Variants in RFX1 observed in about 807,000 individuals in gnomAD.
The protein encoded by RFX1 is MHC class II regulatory factor RFX1.
A neutral mutation model predicts 119.6 loss-of-function variants in RFX1; 42 were observed. The observed-to-expected ratio is 0.35, with a 90% CI of 0.27 to 0.45. The LOEUF (loss-of-function observed/expected upper bound fraction) is 0.45, where lower values mean the gene tolerates loss of function less well. Ranked by LOEUF, RFX1 falls within the 20% of genes least tolerant of loss-of-function variation. The pLI, the probability that RFX1 is intolerant of heterozygous loss-of-function variation, is 1.00. For synonymous variants in RFX1, 628 were observed against 618.5 expected (o/e 1.02, Z -0.23); for missense variants, 1,118 against 1,368.1 (o/e 0.82, Z 2.88).
intron 9 of RFX1, among the ~76,000 whole-genome samples, chr19:13,970,657 G>A: frequency 1.3e-5 from 1 of 75,060 alleles, no homozygotes; most frequent in African/African-American, 5.5e-5. Context: ...GTGAGACCTT[G>A]TCTCAAAAAA....
chr19:13,972,689 T>C lies in RFX1; in HGVS notation c.1314+54A>G. 4 of 1,413,244 alleles carry C rather than the reference T, an allele frequency of 2.8e-6. No homozygotes were observed. In the Admixed American group the frequency reaches 6.0e-5, roughly 21 times the overall value. 87.5% of individuals were successfully genotyped at this position (1,413,244 alleles called of 1,614,324 possible). A position where few individuals can be genotyped will look rare whatever the true frequency, so the allele number is the denominator to read the frequency against. On this transcript the variant is annotated intron_variant, in intron 9 of 20. Transcript: ENST00000254325. ...CCACCGTCATGGACTGGGCTTCTAGTGCCCACCACCCACCACTGCCTGCCT... is the reference window on the plus strand; with the variant it reads ...CCACCGTCATGGACTGGGCTTCTAGCGCCCACCACCCACCACTGCCTGCCT...
intron 2 of RFX1, among the ~76,000 whole-genome samples, chr19:13,988,915 G>T (rs952369663): frequency 6.6e-6 from 1 of 152,124 alleles, no homozygotes; most frequent in Non-Finnish European, 1.5e-5. Flanking sequence ...CCAGCTACTC[G>T]GGAGGCTGAG....
Position 13,969,882 on chromosome 19 carries a change from G to A in RFX1, c.1496+112C>T. 1 of 1,123,506 alleles carries A rather than the reference G, an allele frequency of 8.9e-7. No individual in the cohort carries two copies. Among genetic ancestry groups the A allele is most frequent in the South Asian group, 1.6e-5 (1 of 62,502 alleles). 69.6% of individuals were successfully genotyped at this position (1,123,506 alleles called of 1,614,324 possible). A position where few individuals can be genotyped will look rare whatever the true frequency, so the allele number is the denominator to read the frequency against. On this transcript the variant is annotated intron_variant, in intron 10 of 20. Coordinates refer to ENST00000254325, the MANE Select transcript of RFX1 (RefSeq NM_002918.5). This position sits in a 1 kb window ranked among gnomAD's most constrained non-coding sequence, Gnocchi z 4.5. ...CGGGGCTGTCGAGGAGCCTCGCAGA[G>A]GCCGGCGGGACTGGGCTGGACTGGA... is the stretch of plus-strand genomic sequence containing the variant.
rs532429887 is a variant in RFX1, at chr19:13,966,484, G to A, written c.1898C>T (p.Thr633Met). Residue 633 changes from threonine to methionine, a missense_variant, in exon 14 of 21, where the codon ACG becomes ATG. Transcript: ENST00000254325. This position sits in a 1 kb window ranked among gnomAD's most constrained non-coding sequence, Gnocchi z 6.3. Reference protein sequence around the residue: ...MVNLQFTLVETLWKTFWRYNL... With the variant: ...MVNLQFTLVEMLWKTFWRYNL... Reference sequence around the variant, plus strand: ...GTACCTCCAGAAGGTCTTCCACAGCGTCTCCACCAGGGTGAACTGCAGGTT... The same window carrying A: ...GTACCTCCAGAAGGTCTTCCACAGCATCTCCACCAGGGTGAACTGCAGGTT... The A allele has an allele frequency of 1.2e-5, 19 of 1,600,766 alleles. No individual in the cohort carries two copies. The highest frequency in any genetic ancestry group is 4.4e-5 in the South Asian group (4 of 89,906).
chr19:14,000,413 C>A (rs993904904), intron 1 of RFX1, among the ~76,000 whole-genome samples: 2 of 151,996 alleles, frequency 1.3e-5, no homozygotes, highest in South Asian at 4.1e-4. Flanking sequence ...TTGAGTCTGG[C>A]GGGGCAGAGG....
Position 13,993,598 on chromosome 19 carries a change from G to A in RFX1, c.246C>T (p.Pro82=), listed in dbSNP as rs376204922. The change falls in exon 2 of 21, where the codon CCC becomes CCT. Residue 82 remains proline, a synonymous_variant. Transcript: ENST00000254325. ...KQYVTELPAV[P]APSQPTGAPT... ...GTGCACCGGTTGGCTGCGAGGGTGC[G>A]GGTACAGCCGGGAGCTCCGTCACGT... 50 of 1,611,690 alleles carry A rather than the reference G, an allele frequency of 3.1e-5. No individual in the cohort carries two copies. Among genetic ancestry groups the A allele is most frequent in the East Asian group, 6.7e-5 (3 of 44,840 alleles).
At chr19:13,973,180 C>T (rs1169179768) in intron 8 of RFX1, 53 bp from the exon 9 acceptor site, 58 of 1,214,408 alleles carry the variant, frequency 4.8e-5, no homozygotes, top group Non-Finnish European at 5.7e-5. Flanking sequence ...ACTGGGGGGC[C>T]GAGGGGCATG....
Position 13,968,849 on chromosome 19 carries a change from G to A in RFX1, c.1542C>T (p.Ser514=). 6.4e-7 allele frequency: 1 copy of A among 1,553,606 alleles called. No individual in the cohort carries two copies. The change falls in exon 11 of 21, where the codon AGC becomes AGT. Residue 514 remains serine (S), a synonymous_variant. Transcript: ENST00000254325. This position sits in a 1 kb window ranked among gnomAD's most constrained non-coding sequence, Gnocchi z 5.5. The stretch of plus-strand genomic sequence containing the variant: ...CCTCCATCAGCCGCAGCAGGGGTGA[G>A]CTGGCCTTGATGCGCAGGCCATAGT... The part of the protein sequence containing the change: ...YHYYGLRIKA[S]SPLLRLMEDQ...
In RFX1 at chr19:13,980,731, T is replaced by TGCATCCTCTCTGGGGTGTGCTC; in HGVS notation, c.622-43_622-42insGAGCACACCCCAGAGAGGATGC. 1.7e-6 allele frequency: 2 copies of TGCATCCTCTCTGGGGTGTGCTC among 1,201,546 alleles called. No individual in the cohort carries two copies. The highest frequency in any genetic ancestry group is 2.4e-6 in the Non-Finnish European group (2 of 842,368). The allele number at this position is 1,201,546 out of a possible 1,614,324, so 74.4% of individuals were successfully genotyped here. Reference sequence around the variant, plus strand: ...CACAGGAGTGCCGCTGGGGTGGGCTTGCATCCTCTCTGAGGTGGGCTCACA... The same window carrying TGCATCCTCTCTGGGGTGTGCTC: ...CACAGGAGTGCCGCTGGGGTGGGCTTGCATCCTCTCTGGGGTGTGCTCGCATCCTCTCTGAGGTGGGCTCACA... On this transcript the variant is annotated intron_variant, in intron 5 of 20. Transcript: ENST00000254325. This position sits in a 1 kb window ranked among gnomAD's most constrained non-coding sequence, Gnocchi z 5.1.
chr19:13,997,197 C>T (rs527596940), intron 1 of RFX1, among the ~76,000 whole-genome samples: 33 of 152,322 alleles, frequency 2.2e-4, no homozygotes, highest in Non-Finnish European at 3.1e-4. Context: ...CCATCCTTCA[C>T]GCCTCCCTGT....
intron 4 of RFX1, chr19:13,982,934 C>G: frequency 3.9e-6 from 2 of 519,178 alleles, no homozygotes; most frequent in Non-Finnish European, 6.9e-6. Flanking sequence ...GGGTTGGACC[C>G]GCAAACCACC....
chr19:13,968,429 C>G lies in RFX1; in HGVS notation c.1732+136G>C. 1 of 695,684 alleles carries G rather than the reference C, an allele frequency of 1.4e-6. No homozygotes were observed. The highest frequency in any genetic ancestry group is 3.0e-4 in the Middle Eastern group (1 of 3,340). 43.1% of individuals were successfully genotyped at this position (695,684 alleles called of 1,614,324 possible). A position where few individuals can be genotyped will look rare whatever the true frequency, so the allele number is the denominator to read the frequency against. On this transcript the variant is annotated intron_variant, in intron 12 of 20. Transcript: ENST00000254325. The surrounding 1 kb of genome is among the most constrained non-coding windows in gnomAD (Gnocchi z 5.5). Reference sequence around the variant, plus strand: ...GACGGAGACTGTGATGTCTCCCCCACCCCCTGCTGGTTCTCGGGCATCTCT... The same window carrying G: ...GACGGAGACTGTGATGTCTCCCCCAGCCCCTGCTGGTTCTCGGGCATCTCT...
At chr19:13,963,499 C>A (rs1252075038) in intron 18 of RFX1, 39 bp downstream of exon 18, 2 of 1,550,334 alleles carry the variant, frequency 1.3e-6, no homozygotes, top group South Asian at 1.2e-5. Context: ...GCGGGGCCTT[C>A]CCTGGTGCCG....
chr19:13,967,625 C>T lies in RFX1; in HGVS notation c.1733-874G>A, dbSNP rs993191599. Reference sequence around the variant, plus strand: ...CTGAGTAGCTGGGATTACAGGCACCCGCCACCACACCCGGCTAATTTTGGT... The same window carrying T: ...CTGAGTAGCTGGGATTACAGGCACCTGCCACCACACCCGGCTAATTTTGGT... On this transcript the variant is annotated intron_variant, in intron 12 of 20. Transcript: ENST00000254325. Among the ~76,000 whole-genome samples, 9 of 151,808 alleles carry T rather than the reference C, an allele frequency of 5.9e-5. No individual in the cohort carries two copies. In the South Asian group the frequency reaches 1.0e-3, roughly 18 times the overall value.
At chr19:13,981,168 G>A (rs536291890) in intron 5 of RFX1, among the ~76,000 whole-genome samples, 1 of 152,382 alleles carries the variant, frequency 6.6e-6, no homozygotes, top group East Asian at 1.9e-4. Context: ...GCACAGGGCT[G>A]AGCCCAGGCA....
At chr19:13,972,637 C>A in intron 9 of RFX1, 106 bp downstream of exon 9, 2 of 806,434 alleles carry the variant, frequency 2.5e-6, no homozygotes, top group Non-Finnish European at 3.9e-6. Context: ...GGGGGCCACA[C>A]AGGCTCCTGC....
intron 1 of RFX1, among the ~76,000 whole-genome samples, chr19:13,997,067 T>C (rs1351441678): frequency 6.6e-6 from 1 of 152,146 alleles, no homozygotes; most frequent in East Asian, 1.9e-4. Context: ...TTGCCGGTCT[T>C]CCAACAGGGA....
intron 1 of RFX1, among the ~76,000 whole-genome samples, chr19:14,001,810 G>C (rs1284937015): frequency 2.0e-5 from 3 of 152,208 alleles, no homozygotes; most frequent in Non-Finnish European, 4.4e-5. Flanking sequence ...AGTCTAGCCT[G>C]GCCAACATGG....
rs190445398 is a variant in RFX1, at chr19:13,990,515, T to C, written c.319+3010A>G. The stretch of plus-strand genomic sequence containing the variant: ...GGGCAACATAGTGAGACTCTGTCTC[T>C]ACAAAAAAATTAAAAGATTAGGCCG... On this transcript the variant is annotated intron_variant, in intron 2 of 20. Transcript: ENST00000254325. This position sits in a 1 kb window ranked among gnomAD's most constrained non-coding sequence, Gnocchi z 4.1. Among the ~76,000 whole-genome samples, 822 of 151,348 alleles carry C rather than the reference T, an allele frequency of 5.4e-3. 7 individuals are homozygous for C. The highest frequency in any genetic ancestry group is 0.019 in the African/African-American group (770 of 41,256).
Sources: gnomAD v4.1 joint callset for allele counts (sites outside exome capture counted in the v4.1 genomes callset) on GRCh38, gnomAD v4.1.1 for gene constraint, Gnocchi (gnomAD v3.1) non-coding constraint, MANE v1.5 for transcripts, NCBI Gene and HGNC (gene_info 2026-07-23, HGNC 2026-07-21) for gene names.